MEMO1: variants seen among roughly 807,000 people sequenced by gnomAD.
MEMO1 encodes the protein mediator of cell motility 1.
In MEMO1, 6 loss-of-function variants were observed where a neutral mutation model predicts 45.2. The ratio of observed to expected loss-of-function variants is 0.13; its 90% CI spans 0.07 to 0.26. The LOEUF (loss-of-function observed/expected upper bound fraction) is 0.26. Ranked by LOEUF, MEMO1 falls within the 10% of genes least tolerant of loss-of-function variation. The probability of loss-of-function intolerance (pLI) is 1.00; values close to 1 mark genes in which losing one functional copy is unlikely to be tolerated. For synonymous variants in MEMO1, 78 were observed against 124.3 expected, an observed-to-expected ratio of 0.63 and a Z score of 2.48; for missense variants, 184 against 370.5, an observed-to-expected ratio of 0.50 and a Z score of 4.13.
chr2:31,926,159 G>C (rs192642169), intron 4 of MEMO1, among the ~76,000 whole-genome samples: 5 of 151,782 alleles, frequency 3.3e-5, no homozygotes, highest in Admixed American at 3.3e-4. Context: ...TTGAGGCCAG[G>C]AGTTCAAGAC....
In MEMO1 at chr2:31,885,751, T is replaced by C. The variant is rs117972838; in HGVS notation, c.581-2289A>G. 8.5e-5 allele frequency among the ~76,000 whole-genome samples: 13 copies of C among 152,322 alleles called. No homozygotes were observed. The East Asian group carries it at 2.5e-3, about 29-fold the overall frequency. On this transcript the variant is annotated intron_variant, in intron 7 of 9. Transcript: ENST00000404530. ...GGAAATAGCTGTTAGTTTTGGCTAC[T>C]ATCAGTAAGCCCTGAAACTGGGACA...
chr2:31,892,209 G>C, intron 6 of MEMO1, 75 bp from the exon 7 acceptor site: 2 of 1,325,566 alleles, frequency 1.5e-6, no homozygotes, highest in Non-Finnish European at 2.1e-6. Flanking sequence ...GTTGGCATTA[G>C]AAAGTGGAAT....
At chr2:31,896,252 AAAT>A (rs1191008153) in intron 6 of MEMO1, among the ~76,000 whole-genome samples, 1 of 152,214 alleles carries the variant, frequency 6.6e-6, no homozygotes, top group Non-Finnish European at 1.5e-5. Context: ...ATAAAAATAA[AAAT>A]AATAATGAAC....
chr2:31,984,198 C>G (rs1172071726), intron 2 of MEMO1, among the ~76,000 whole-genome samples: 5 of 152,158 alleles, frequency 3.3e-5, no homozygotes, highest in Admixed American at 1.3e-4. Flanking sequence ...CTGGCAAACA[C>G]TTACTACCTT....
intron 2 of MEMO1, among the ~76,000 whole-genome samples, chr2:31,989,228 C>CAAAA (rs772035887): frequency 3.7e-5 from 3 of 80,390 alleles, no homozygotes; most frequent in Non-Finnish European, 5.2e-5. Context: ...AACTCTGTCT[C>CAAAA]AAAAAAAAAA....
At chr2:31,934,034 G>A (rs1320734653) in intron 3 of MEMO1, among the ~76,000 whole-genome samples, 1 of 152,158 alleles carries the variant, frequency 6.6e-6, no homozygotes, top group Non-Finnish European at 1.5e-5. Flanking sequence ...TCTCTTACCA[G>A]TTTATAAGTA....
chr2:31,994,152 G>T (rs1416214374), intron 2 of MEMO1, among the ~76,000 whole-genome samples: 1 of 147,928 alleles, frequency 6.8e-6, no homozygotes, highest in Non-Finnish European at 1.5e-5. Context: ...GTCAAGACAG[G>T]GTTTCACCAT....
intron 2 of MEMO1, among the ~76,000 whole-genome samples, chr2:31,984,441 C>T (rs1000029831): frequency 6.6e-6 from 1 of 152,132 alleles, no homozygotes; most frequent in Non-Finnish European, 1.5e-5. Flanking sequence ...AACAATTTGT[C>T]ACAGATCAGA....
chr2:32,010,050 G>GCGGTCCGCGCCCGGCGGC (rs1261485620), intron 2 of MEMO1, 137 bp downstream of exon 2: 103 of 235,906 alleles, frequency 4.4e-4, no homozygotes, highest in Non-Finnish European at 5.9e-4. Context: ...CCCTCCCCAC[G>GCGGTCCGCGCCCGGCGGC]CGGTCCGCGC....
At chr2:31,894,013 G>C (rs934040699) in intron 6 of MEMO1, among the ~76,000 whole-genome samples, 27 of 152,116 alleles carry the variant, frequency 1.8e-4, no homozygotes. Context: ...ATTTAGCTTT[G>C]AAATGTAATA....
intron 2 of MEMO1, among the ~76,000 whole-genome samples, chr2:32,004,264 A>G (rs966698572): frequency 6.6e-6 from 1 of 152,206 alleles, no homozygotes; most frequent in Admixed American, 6.5e-5. Context: ...GATAGATGCA[A>G]TATGTACCTA....
chr2:31,873,412 CTCT>C (rs1184223487), intron 8 of MEMO1, among the ~76,000 whole-genome samples: 1 of 152,132 alleles, frequency 6.6e-6, no homozygotes, highest in East Asian at 1.9e-4. Context: ...ATTGTGTTGA[CTCT>C]TCAAGTAATC....
intron 8 of MEMO1, among the ~76,000 whole-genome samples, chr2:31,872,287 T>C (rs1482668851): frequency 6.6e-6 from 1 of 152,156 alleles, no homozygotes; most frequent in African/African-American, 2.4e-5. Flanking sequence ...TGTACTAAAG[T>C]ATAACAAGAC....
chr2:32,006,328 G>C (rs151091468), intron 2 of MEMO1, among the ~76,000 whole-genome samples: 84 of 152,228 alleles, frequency 5.5e-4, no homozygotes, highest in Non-Finnish European at 8.1e-4. Context: ...AGATGATAAG[G>C]GCCTAAAATA....
chr2:31,898,181 A>AT (rs1192605638), intron 6 of MEMO1, among the ~76,000 whole-genome samples: 4 of 150,458 alleles, frequency 2.7e-5, no homozygotes, highest in African/African-American at 9.7e-5. Flanking sequence ...GGATTCAATG[A>AT]TTTTTTTGAA....
intron 2 of MEMO1, among the ~76,000 whole-genome samples, chr2:31,972,484 G>GTGGA (rs1269419713): frequency 6.6e-6 from 1 of 152,208 alleles, no homozygotes; most frequent in South Asian, 2.1e-4. Context: ...GCCGAGGCAG[G>GTGGA]TGGATCACTT....
At chr2:31,963,861 T>C (rs1321102160) in intron 2 of MEMO1, among the ~76,000 whole-genome samples, 1 of 152,190 alleles carries the variant, frequency 6.6e-6, no homozygotes, top group African/African-American at 2.4e-5. Flanking sequence ...ATGTGGCTAA[T>C]ACTGAGATGT....
chr2:31,981,097 T>C (rs1230090999), intron 2 of MEMO1, among the ~76,000 whole-genome samples: 1 of 152,290 alleles, frequency 6.6e-6, no homozygotes, highest in East Asian at 1.9e-4. Flanking sequence ...AGAGAAGAAG[T>C]GTTTATCAGA....
chr2:31,995,773 G>T (rs1235587988), intron 2 of MEMO1, among the ~76,000 whole-genome samples: 2 of 151,850 alleles, frequency 1.3e-5, no homozygotes, highest in Admixed American at 6.6e-5. Context: ...TATAACCCAG[G>T]CATCTAAGAA....
Sources: gnomAD v4.1 joint callset for allele counts (sites outside exome capture counted in the v4.1 genomes callset) on GRCh38, gnomAD v4.1.1 for gene constraint, MANE v1.5 for transcripts, NCBI Gene and HGNC (gene_info 2026-07-23, HGNC 2026-07-21) for gene names.